The following ZNF516 variants were observed in gnomAD, a reference collection of about 807,000 sequenced individuals.
ZNF516 encodes zinc finger protein 516.
ZNF516 carries 19 observed loss-of-function variants against 79.7 expected under a neutral mutation model. That is an observed-to-expected ratio of 0.24 (90% CI 0.17 to 0.35). The LOEUF (loss-of-function observed/expected upper bound fraction) is 0.35, where lower values mean the gene tolerates loss of function less well. Ranked by LOEUF, ZNF516 falls within the 10% of genes least tolerant of loss-of-function variation. The probability of loss-of-function intolerance (pLI) is 1.00; values close to 1 mark genes in which losing one functional copy is unlikely to be tolerated. For synonymous variants in ZNF516, 877 were observed against 739.5 expected (o/e 1.19, Z -3.02); for missense variants, 1,678 against 1,679.5 (o/e 1.00, Z 0.02).
intron 2 of ZNF516, among the ~76,000 whole-genome samples, chr18:76,452,022 A>G (rs1222445146): frequency 1.3e-5 from 2 of 152,190 alleles, no homozygotes; most frequent in Non-Finnish European, 2.9e-5. Flanking sequence ...AGACCAATCA[A>G]TAATCCATTA....
At chr18:76,421,232 A>T (rs183798967) in intron 3 of ZNF516, among the ~76,000 whole-genome samples, 1 of 152,344 alleles carries the variant, frequency 6.6e-6, no homozygotes, top group Admixed American at 6.5e-5. Context: ...ATATTGGAAA[A>T]GGGCTCTAGA....
chr18:76,445,205 T>G (rs958754823), intron 2 of ZNF516, among the ~76,000 whole-genome samples: 2 of 150,244 alleles, frequency 1.3e-5, no homozygotes, highest in East Asian at 2.0e-4. Flanking sequence ...TGCAGTGAGC[T>G]GAGATCATGC....
At chr18:76,389,534 A>C (rs1420813410) in intron 3 of ZNF516, 1 of 152,164 alleles carries the variant, frequency 6.6e-6, no homozygotes, top group Non-Finnish European at 1.5e-5. Flanking sequence ...ACATGGAGGC[A>C]TGATCTCCCC....
At chr18:76,446,463 A>G (rs1912056121) in intron 2 of ZNF516, among the ~76,000 whole-genome samples, 1 of 152,222 alleles carries the variant, frequency 6.6e-6, no homozygotes, top group African/African-American at 2.4e-5. Flanking sequence ...ACCACGGCTG[A>G]GCGGAAGATG....
chr18:76,428,347 C>A (rs772777914), intron 3 of ZNF516, among the ~76,000 whole-genome samples: 2 of 148,690 alleles, frequency 1.3e-5, no homozygotes, highest in Admixed American at 6.7e-5. Context: ...GAGCCGAGAT[C>A]GCACCACTGT....
At chr18:76,392,449 CTT>C (rs1429557288) in intron 3 of ZNF516, among the ~76,000 whole-genome samples, 1 of 151,656 alleles carries the variant, frequency 6.6e-6, no homozygotes, top group African/African-American at 2.4e-5. Context: ...CTGGGAAGCC[CTT>C]TGCATGTTCA....
At chr18:76,402,150 C>G (rs1267258500) in intron 3 of ZNF516, among the ~76,000 whole-genome samples, 1 of 152,192 alleles carries the variant, frequency 6.6e-6, no homozygotes, top group Non-Finnish European at 1.5e-5. Flanking sequence ...CTGAAGACAT[C>G]GCCTCGGTCA....
rs1216517835 is a variant in ZNF516 at position 76,380,073 on chromosome 18, T to C, written c.2041A>G (p.Lys681Glu). The C allele has an allele frequency of 6.2e-7, 1 of 1,613,788 alleles. No homozygotes were observed. The highest frequency in any genetic ancestry group is 1.3e-5 in the African/African-American group (1 of 74,882). Residue 681 changes from lysine (K) to glutamate (E), a missense_variant, in exon 4 of 7, where the codon AAG (lysine) becomes GAG (glutamate). Transcript: ENST00000443185. Reference sequence around the variant, plus strand: ...TCACCAGGGACGGGCACCTCCTGCTTGGGGTGAAATGCTGGCATCTTTAAG... The same window carrying C: ...TCACCAGGGACGGGCACCTCCTGCTCGGGGTGAAATGCTGGCATCTTTAAG... ...MDLKMPAFHP[K>E]QEVPVPGDGV...
chr18:76,470,487 A>G (rs755079017), intron 1 of ZNF516, among the ~76,000 whole-genome samples: 1 of 152,214 alleles, frequency 6.6e-6, no homozygotes, highest in African/African-American at 2.4e-5. Context: ...AGGAGCCCTT[A>G]TATCAATGAG....
At position 76,469,260 on chromosome 18, in the gene ZNF516, C is replaced by G. The variant is rs147884929; in HGVS notation, c.-271-6119G>C. ...GTGAAATCACCAGTCCAAAATTACA[C>G]CCCAAACATATGATTATTAAGGATT... On this transcript the variant is annotated intron_variant, in intron 1 of 6. Transcript: ENST00000443185. Among the ~76,000 whole-genome samples, 49 of 152,228 alleles carry G rather than the reference C, an allele frequency of 3.2e-4. 2 individuals carry two copies. The East Asian group carries it at 9.3e-3, about 29-fold the overall frequency.
chr18:76,469,502 G>A (rs1913700517), intron 1 of ZNF516, among the ~76,000 whole-genome samples: 1 of 152,072 alleles, frequency 6.6e-6, no homozygotes, highest in East Asian at 1.9e-4. Flanking sequence ...CTGCATTCAA[G>A]ATAAAAGAGC....
At chr18:76,377,141 C>A (rs191786881) in intron 4 of ZNF516, among the ~76,000 whole-genome samples, 18 of 152,372 alleles carry the variant, frequency 1.2e-4, no homozygotes, top group Admixed American at 1.1e-3. Flanking sequence ...CCACATGGCA[C>A]TGCGCCGCGC....
intron 1 of ZNF516, among the ~76,000 whole-genome samples, chr18:76,482,189 T>C (rs1914562704): frequency 1.3e-5 from 2 of 152,238 alleles, no homozygotes; most frequent in Admixed American, 6.5e-5. Context: ...TTTTGCTTTT[T>C]GTTTTAGGTG....
intron 2 of ZNF516, among the ~76,000 whole-genome samples, chr18:76,447,901 G>A (rs529631916): frequency 6.6e-6 from 1 of 152,136 alleles, no homozygotes; most frequent in South Asian, 2.1e-4. Context: ...GTGAGTGTGT[G>A]TGTATGTGTG....
chr18:76,450,708 C>T (rs1474437242), intron 2 of ZNF516, among the ~76,000 whole-genome samples: 2 of 152,172 alleles, frequency 1.3e-5, no homozygotes, highest in African/African-American at 2.4e-5. Flanking sequence ...AAATCAGCAA[C>T]GCGGTGCAGG....
chr18:76,434,196 T>C (rs61366888), intron 3 of ZNF516, among the ~76,000 whole-genome samples: 3,455 of 149,608 alleles, frequency 0.023, 51 homozygotes, highest in Middle Eastern at 0.035. Flanking sequence ...CTGCTCACTA[T>C]TGATAGATGA....
intron 1 of ZNF516, chr18:76,487,878 T>C: frequency 2.1e-6 from 2 of 962,732 alleles, no homozygotes; most frequent in Non-Finnish European, 2.5e-6. Flanking sequence ...CACTACACTT[T>C]CGGCCAGTCA....
chr18:76,473,911 G>T (rs1301130390), intron 1 of ZNF516, among the ~76,000 whole-genome samples: 4 of 120,644 alleles, frequency 3.3e-5, no homozygotes, highest in South Asian at 3.2e-4. Flanking sequence ...TGTGGGGGGG[G>T]GGGGGGCTTT....
intron 3 of ZNF516, among the ~76,000 whole-genome samples, chr18:76,416,092 T>G (rs2075429852): frequency 6.6e-6 from 1 of 152,256 alleles, no homozygotes; most frequent in Admixed American, 6.5e-5. Context: ...GGTCAACTTG[T>G]AGCACACAGA....
Sources: allele counts gnomAD v4.1 joint callset (sites outside exome capture counted in the v4.1 genomes callset), GRCh38; gene constraint gnomAD v4.1.1; transcripts MANE v1.5; gene names NCBI Gene and HGNC (gene_info 2026-07-23, HGNC 2026-07-21).